LINGO1: variants seen among roughly 807,000 people sequenced by gnomAD.
The protein encoded by LINGO1 is leucine rich repeat and Ig domain containing 1.
A neutral mutation model predicts 37.3 loss-of-function variants in LINGO1; 11 were observed. The observed-to-expected ratio is 0.29, with a 90% confidence interval of 0.19 to 0.49. LINGO1 has a LOEUF of 0.49. Among genes scored for constraint, LINGO1 ranks in the 20% least tolerant of loss-of-function variants. LINGO1 has a pLI of 0.99. For missense variants in LINGO1, 585 were observed against 878.2 expected (o/e 0.67, Z 4.22); for synonymous variants, 387 against 403.0 (o/e 0.96, Z 0.48).
intron 1 of LINGO1, among the ~76,000 whole-genome samples, chr15:77,811,415 G>C (rs539398014): frequency 6.6e-6 from 1 of 152,282 alleles, no homozygotes; most frequent in Admixed American, 6.5e-5. Context: ...TCCAGCTCCA[G>C]ACCACCTCTC....
chr15:77,619,741 T>TAAAATAAAATAAAAA (rs1324687505), intron 1 of LINGO1, among the ~76,000 whole-genome samples: 22 of 141,940 alleles, frequency 1.5e-4, no homozygotes, highest in African/African-American at 6.0e-4. Flanking sequence ...TAAAATAAAA[T>TAAAATAAAATAAAAA]AAAAAAGAAA....
At chr15:77,659,930 T>G (rs1015075133) in intron 3 of LINGO1, 1 of 152,270 alleles carries the variant, frequency 6.6e-6, no homozygotes, top group Non-Finnish European at 1.5e-5. Context: ...GAAGACCTCC[T>G]GGTGGAGAGG....
At chr15:77,673,888 G>A (rs2075289118) in intron 3 of LINGO1, among the ~76,000 whole-genome samples, 1 of 152,116 alleles carries the variant, frequency 6.6e-6, no homozygotes, top group African/African-American at 2.4e-5. Context: ...GCACTCAGAA[G>A]GGCCCCAGGC....
intron 1 of LINGO1, among the ~76,000 whole-genome samples, chr15:77,785,840 T>C (rs1024252164): frequency 1.3e-5 from 2 of 152,066 alleles, no homozygotes; most frequent in Admixed American, 6.5e-5. Context: ...TCACAGCATT[T>C]CTCCTTGATC....
rs2074275289 is a variant in LINGO1, at chr15:77,632,206, T to A, written c.6+104A>T. ...AAAGGAGGTCTGGGTGGCACCGAGG[T>A]GCCCTGCAACCCCAGGAGGGCGCAG... On this transcript the variant is annotated intron_variant, in intron 1 of 1. Transcript: ENST00000355300. The surrounding 1 kb of genome is among the most constrained non-coding windows in gnomAD (Gnocchi z 6.0). The A allele has an allele frequency of 8.5e-7, 1 of 1,181,874 alleles. No homozygotes were observed. The highest frequency in any genetic ancestry group is 1.6e-5 in the African/African-American group (1 of 62,582). 73.2% of individuals were successfully genotyped at this position (1,181,874 alleles called of 1,614,324 possible). A position where few individuals can be genotyped will look rare whatever the true frequency, so the allele number is the denominator to read the frequency against.
At chr15:77,766,383 A>T (rs2076530801) in intron 1 of LINGO1, among the ~76,000 whole-genome samples, 1 of 152,064 alleles carries the variant, frequency 6.6e-6, no homozygotes. Context: ...ACTCAAAAAA[A>T]AAAAAACCTA....
intron 1 of LINGO1, among the ~76,000 whole-genome samples, chr15:77,752,704 T>C (rs1454014174): frequency 6.6e-6 from 1 of 152,156 alleles, no homozygotes; most frequent in African/African-American, 2.4e-5. Context: ...GAGCAGGCTG[T>C]AGCACTGTAG....
chr15:77,767,249 A>C (rs1014875777), intron 1 of LINGO1, among the ~76,000 whole-genome samples: 2 of 152,242 alleles, frequency 1.3e-5, no homozygotes, highest in Non-Finnish European at 2.9e-5. Context: ...TCTCAGAGCA[A>C]CTGTGATTTC....
At chr15:77,645,899 A>C (rs1414612041) in intron 3 of LINGO1, among the ~76,000 whole-genome samples, 3 of 152,238 alleles carry the variant, frequency 2.0e-5, no homozygotes, top group Non-Finnish European at 2.9e-5. Flanking sequence ...AAGTGCCCTT[A>C]GACACCTCCA....
chr15:77,698,628 A>G (rs566495513), upstream of LINGO1, among the ~76,000 whole-genome samples: 26 of 152,306 alleles, frequency 1.7e-4, no homozygotes, highest in Admixed American at 1.5e-3. Flanking sequence ...CTCTTCCTCC[A>G]AGGCGGGAAT....
chr15:77,661,643 A>G (rs937343065), intron 3 of LINGO1, among the ~76,000 whole-genome samples: 1 of 152,232 alleles, frequency 6.6e-6, no homozygotes, highest in Non-Finnish European at 1.5e-5. Context: ...GGGCTCAAAC[A>G]CTGCTGGGTA....
chr15:77,639,163 C>A (rs545778472), upstream of LINGO1, among the ~76,000 whole-genome samples: 4 of 152,166 alleles, frequency 2.6e-5, no homozygotes, highest in East Asian at 3.9e-4. Flanking sequence ...GAAGCTCCGG[C>A]TGATGTCTAG....
At chr15:77,728,428 A>G (rs1596162887) in intron 2 of LINGO1, among the ~76,000 whole-genome samples, 1 of 152,184 alleles carries the variant, frequency 6.6e-6, no homozygotes, top group Non-Finnish European at 1.5e-5. Context: ...GGGGGCTGGG[A>G]GTGGGTGCCA....
chr15:77,727,487 T>C (rs547898588), intron 2 of LINGO1, among the ~76,000 whole-genome samples: 1 of 152,262 alleles, frequency 6.6e-6, no homozygotes, highest in South Asian at 2.1e-4. Flanking sequence ...AATAAGTCAG[T>C]TACAAAAAGA....
At chr15:77,813,783 T>C (rs2077026229) in intron 1 of LINGO1, among the ~76,000 whole-genome samples, 1 of 152,142 alleles carries the variant, frequency 6.6e-6, no homozygotes, top group Non-Finnish European at 1.5e-5. Flanking sequence ...GGCAGGGAGA[T>C]CATTTTGTCC....
intron 1 of LINGO1, among the ~76,000 whole-genome samples, chr15:77,759,047 G>A (rs2076448822): frequency 6.6e-6 from 1 of 152,180 alleles, no homozygotes; most frequent in Non-Finnish European, 1.5e-5. Flanking sequence ...TGAGTAAGGA[G>A]TAAAATCAGG....
At chr15:77,669,818 T>C (rs572128388) in intron 3 of LINGO1, among the ~76,000 whole-genome samples, 1 of 152,340 alleles carries the variant, frequency 6.6e-6, no homozygotes, top group East Asian at 1.9e-4. Flanking sequence ...GTCTAATGCC[T>C]TTCAAACCAC....
At chr15:77,709,809 G>A (rs1191679746) in intron 2 of LINGO1, among the ~76,000 whole-genome samples, 1 of 152,200 alleles carries the variant, frequency 6.6e-6, no homozygotes, top group Non-Finnish European at 1.5e-5. Context: ...GAGCACCTAC[G>A]GTGTACAAGG....
intron 1 of LINGO1, among the ~76,000 whole-genome samples, chr15:77,759,767 C>T (rs1482182843): frequency 6.6e-6 from 1 of 152,222 alleles, no homozygotes; most frequent in Non-Finnish European, 1.5e-5. Flanking sequence ...AAATCTTGCT[C>T]TAATTGAGTG....
Sources: gnomAD v4.1 joint callset for allele counts (sites outside exome capture counted in the v4.1 genomes callset) on GRCh38, gnomAD v4.1.1 for gene constraint, Gnocchi (gnomAD v3.1) non-coding constraint, MANE v1.5 for transcripts, NCBI Gene and HGNC (gene_info 2026-07-23, HGNC 2026-07-21) for gene names.